Variants in GRIK2 observed in about 807,000 individuals in gnomAD.
GRIK2 encodes glutamate receptor ionotropic, kainate 2.
GRIK2 carries 32 observed loss-of-function variants against 100.3 expected under a neutral mutation model. The observed-to-expected ratio is 0.32, with a 90% CI of 0.24 to 0.43. GRIK2 has a LOEUF of 0.43. GRIK2 is among the 20% of genes least tolerant of loss of function. The probability of loss-of-function intolerance (pLI) is 1.00; values close to 1 mark genes in which losing one functional copy is unlikely to be tolerated. For missense variants in GRIK2, 843 were observed against 1,114.9 expected (o/e 0.76, Z 3.47); for synonymous variants, 417 against 389.4 (o/e 1.07, Z -0.83).
chr6:101,834,755 AG>A (rs1782954665), intron 10 of GRIK2, among the ~76,000 whole-genome samples: 1 of 152,126 alleles, frequency 6.6e-6, no homozygotes, highest in South Asian at 2.1e-4. Flanking sequence ...ATCACCTTCC[AG>A]GGCAGACATG....
chr6:101,686,857 A>G (rs566350246), intron 7 of GRIK2, among the ~76,000 whole-genome samples: 1 of 152,168 alleles, frequency 6.6e-6, no homozygotes, highest in Non-Finnish European at 1.5e-5. Context: ...CCCAGTTTAA[A>G]CCCAGAAGCG....
intron 16 of GRIK2, among the ~76,000 whole-genome samples, chr6:102,058,988 A>G (rs1771610049): frequency 6.6e-6 from 1 of 151,318 alleles, no homozygotes; most frequent in Non-Finnish European, 1.5e-5. Flanking sequence ...AAATTATAAT[A>G]TATTAATTTA....
chr6:101,581,217 TTCACACACAC>T (rs1317530507), intron 2 of GRIK2, among the ~76,000 whole-genome samples: 2 of 139,136 alleles, frequency 1.4e-5, no homozygotes, highest in East Asian at 3.9e-4. Context: ...TATATATACA[TTCACACACAC>T]TCACACACAT....
intron 2 of GRIK2, among the ~76,000 whole-genome samples, chr6:101,479,372 A>G (rs1271285632): frequency 6.6e-6 from 1 of 152,142 alleles, no homozygotes; most frequent in South Asian, 2.1e-4. Context: ...TTTTTTACTT[A>G]TATTTTAAGA....
intron 14 of GRIK2, among the ~76,000 whole-genome samples, chr6:101,963,145 AGAT>A (rs1400852773): frequency 6.6e-6 from 1 of 151,296 alleles, no homozygotes; most frequent in Non-Finnish European, 1.5e-5. Context: ...TTTTGCATTA[AGAT>A]AATATTTTCT....
In GRIK2 at chr6:101,957,087, G is replaced by A. The variant is rs554105855; in HGVS notation, c.2085+28455G>A. 2.6e-5 allele frequency among the ~76,000 whole-genome samples: 4 copies of A among 151,986 alleles called. No homozygotes were observed. The South Asian group carries it at 8.3e-4, about 32-fold the overall frequency. ...AACCTCTATACTGTTTTCCACAGAA[G>A]TTATGCTAATTTGCATTCCCACCAA... On this transcript the variant is annotated intron_variant, in intron 14 of 16. Coordinates refer to ENST00000369134, the MANE Select transcript of GRIK2 (RefSeq NM_021956.5).
At chr6:102,018,820 T>TA (rs1484915429) in intron 14 of GRIK2, among the ~76,000 whole-genome samples, 1 of 152,094 alleles carries the variant, frequency 6.6e-6, no homozygotes, top group Non-Finnish European at 1.5e-5. Flanking sequence ...GCAGTATTTT[T>TA]AAAAATGGCA....
At chr6:101,650,035 G>C (rs1781712958) in intron 4 of GRIK2, among the ~76,000 whole-genome samples, 1 of 151,998 alleles carries the variant, frequency 6.6e-6, no homozygotes, top group African/African-American at 2.4e-5. Context: ...TTTGCAACAG[G>C]GCTTCCTGGG....
intron 16 of GRIK2, among the ~76,000 whole-genome samples, chr6:102,066,181 T>C (rs1390523099): frequency 6.6e-6 from 1 of 151,534 alleles, no homozygotes; most frequent in Non-Finnish European, 1.5e-5. Flanking sequence ...TTTTGCCTAA[T>C]TTTATTAGGC....
At chr6:102,053,131 G>A (rs1218711299) in intron 15 of GRIK2, among the ~76,000 whole-genome samples, 2 of 148,276 alleles carry the variant, frequency 1.3e-5, no homozygotes, top group East Asian at 4.0e-4. Context: ...CACACACAAA[G>A]AAAAGAAATT....
At chr6:101,531,907 C>A (rs1014853549) in intron 2 of GRIK2, among the ~76,000 whole-genome samples, 5 of 151,918 alleles carry the variant, frequency 3.3e-5, no homozygotes, top group Admixed American at 6.6e-5. Flanking sequence ...GATTCCAGGT[C>A]TCATAATTGC....
At chr6:101,810,595 A>T (rs1293309250) in intron 9 of GRIK2, among the ~76,000 whole-genome samples, 1 of 152,082 alleles carries the variant, frequency 6.6e-6, no homozygotes, top group Non-Finnish European at 1.5e-5. Flanking sequence ...GCTGGCAGGA[A>T]GCACATAGGC....
chr6:101,872,515 C>T (rs1043271936), intron 11 of GRIK2, among the ~76,000 whole-genome samples: 3 of 151,860 alleles, frequency 2.0e-5, no homozygotes, highest in Admixed American at 6.6e-5. Context: ...GAATTACCTA[C>T]CATCTGGTCC....
At chr6:101,982,394 CTA>C (rs1793764016) in intron 14 of GRIK2, among the ~76,000 whole-genome samples, 1 of 151,814 alleles carries the variant, frequency 6.6e-6, no homozygotes, top group African/African-American at 2.4e-5. Context: ...TGCAGCCACT[CTA>C]TCATGCAGAT....
intron 9 of GRIK2, among the ~76,000 whole-genome samples, chr6:101,807,468 G>A (rs900428593): frequency 6.6e-6 from 1 of 151,912 alleles, no homozygotes. Flanking sequence ...GAGAACAAGT[G>A]GAAGTTACTA....
intron 1 of GRIK2, among the ~76,000 whole-genome samples, chr6:101,397,198 T>C (rs977076594): frequency 1.3e-5 from 2 of 152,184 alleles, no homozygotes; most frequent in Non-Finnish European, 1.5e-5. Flanking sequence ...CATGCTATTT[T>C]CAGGTAGTAG....
chr6:101,460,227 A>G (rs1239704196), intron 2 of GRIK2, among the ~76,000 whole-genome samples: 1 of 152,106 alleles, frequency 6.6e-6, no homozygotes, highest in East Asian at 1.9e-4. Flanking sequence ...TTCACTCCTC[A>G]AATCTCTCAA....
intron 7 of GRIK2, among the ~76,000 whole-genome samples, chr6:101,747,106 C>T (rs1001605693): frequency 6.6e-6 from 1 of 152,020 alleles, no homozygotes; most frequent in African/African-American, 2.4e-5. Context: ...GTCACAAATC[C>T]CCACCAAGTT....
chr6:101,819,812 A>G (rs1289428467), intron 10 of GRIK2, among the ~76,000 whole-genome samples: 2 of 152,114 alleles, frequency 1.3e-5, no homozygotes, highest in Non-Finnish European at 2.9e-5. Context: ...ATAAAAGTCT[A>G]ATTCTGTTCC....
Sources: allele counts gnomAD v4.1 joint callset (sites outside exome capture counted in the v4.1 genomes callset), GRCh38; gene constraint gnomAD v4.1.1; transcripts MANE v1.5; gene names NCBI Gene and HGNC (gene_info 2026-07-23, HGNC 2026-07-21).